The following SLC7A14 variants were observed in gnomAD, a reference collection of about 807,000 sequenced individuals.
SLC7A14 encodes the protein solute carrier family 7 member 14.
Under a neutral mutation model 60.2 loss-of-function variants are expected in SLC7A14, and 37 were observed. The observed-to-expected ratio is 0.61, with a 90% CI of 0.47 to 0.81. SLC7A14 has a LOEUF of 0.81. Among genes scored for constraint, SLC7A14 ranks in the 30% least tolerant of loss-of-function variants. The pLI, the probability that SLC7A14 is intolerant of heterozygous loss-of-function variation, is 0.00. For missense variants in SLC7A14, 886 were observed against 982.7 expected (o/e 0.90, Z 1.32); for synonymous variants, 399 against 395.8 (o/e 1.01, Z -0.10).
chr3:170,552,395 T>C (rs1030630868), intron 1 of SLC7A14, among the ~76,000 whole-genome samples: 2 of 152,202 alleles, frequency 1.3e-5, no homozygotes, highest in African/African-American at 2.4e-5. Flanking sequence ...TTTTATTCCA[T>C]TGATCTACAT....
chr3:170,478,419 A>T (rs1362548771), intron 7 of SLC7A14, among the ~76,000 whole-genome samples: 2 of 112,462 alleles, frequency 1.8e-5, no homozygotes, highest in Non-Finnish European at 4.6e-5. Flanking sequence ...TAAAATCTTG[A>T]TGAGTCAGTG....
At chr3:170,548,356 C>A (rs1217183213) in intron 1 of SLC7A14, among the ~76,000 whole-genome samples, 3 of 152,024 alleles carry the variant, frequency 2.0e-5, no homozygotes, top group Non-Finnish European at 4.4e-5. Context: ...TAAATAAACA[C>A]AAACCCACCT....
At position 170,460,951 on chromosome 3, in the gene SLC7A14, A is replaced by T. The variant is rs968604819; in HGVS notation, c.*6104T>A. On this transcript the variant is annotated 3_prime_UTR_variant, in exon 8 of 8. Coordinates refer to ENST00000231706, the MANE Select transcript of SLC7A14 (RefSeq NM_020949.3). ...ATTTTTGAGACGGAGTTTTGCTCTT[A>T]TTGCCCAGGCTGGAGTGCAATGGTG... 5.3e-5 allele frequency: 8 copies of T among 152,098 alleles called. No homozygotes were observed. Among genetic ancestry groups the T allele is most frequent in the African/African-American group, 1.9e-4 (8 of 41,398 alleles). The allele number at this position is 152,098 out of a possible 1,614,324, so 9.4% of individuals were successfully genotyped here.
intron 7 of SLC7A14, among the ~76,000 whole-genome samples, chr3:170,477,560 C>A (rs978755278): frequency 1.3e-5 from 2 of 152,312 alleles, no homozygotes; most frequent in East Asian, 3.9e-4. Context: ...AAGCACGGTA[C>A]AAGTGCTCAT....
At chr3:170,490,929 A>G (rs1314202992) in intron 4 of SLC7A14, among the ~76,000 whole-genome samples, 1 of 152,188 alleles carries the variant, frequency 6.6e-6, no homozygotes, top group Non-Finnish European at 1.5e-5. Context: ...CACCAGTATT[A>G]TTATTACAAT....
Position 170,480,458 on chromosome 3 carries a change from G to T in SLC7A14, c.1824C>A (p.Ile608=), listed in dbSNP as rs1390741870. The change falls in exon 7 of 8, where the codon ATC becomes ATA. Residue 608 remains isoleucine, a synonymous_variant. Coordinates refer to ENST00000231706, the MANE Select transcript of SLC7A14 (RefSeq NM_020949.3). ...GCAGGATCACAAACACCAGGGTGCTGATCAGCAGCACCATCAGAACAACCA... is the reference window on the plus strand; with the variant it reads ...GCAGGATCACAAACACCAGGGTGCTTATCAGCAGCACCATCAGAACAACCA... The part of the protein sequence containing the change: ...ILLVVLMVLL[I]STLVFVILQQ... 1 of 1,614,004 alleles carries T rather than the reference G, an allele frequency of 6.2e-7. No homozygotes were observed. The highest frequency in any genetic ancestry group is 8.5e-7 in the Non-Finnish European group (1 of 1,179,908).
intron 7 of SLC7A14, among the ~76,000 whole-genome samples, chr3:170,468,463 A>G (rs755379855): frequency 6.6e-6 from 1 of 151,972 alleles, no homozygotes; most frequent in African/African-American, 2.4e-5. Flanking sequence ...ACGCCCAGCT[A>G]ATTTTTGTAT....
rs1711915324 is a variant in SLC7A14 at position 170,483,492 on chromosome 3, A to T, written c.937T>A (p.Tyr313Asn). ...VSVILTLMVP[Y>N]YTIDTESPLM... ...GGGGATTCCGTGTCAATGGTATAAT[A>T]TGGCACCATCAGAGTTAAGATCACG... The change falls in exon 6 of 8, where the codon TAT becomes AAT. Residue 313 changes from tyrosine to asparagine, a missense_variant. Tyr to Asn is a moderately radical substitution (Grantham distance 143, BLOSUM62 -2). Transcript: ENST00000231706. 1 of 1,614,070 alleles carries T rather than the reference A, an allele frequency of 6.2e-7. No homozygotes were observed. The highest frequency in any genetic ancestry group is 8.5e-7 in the Non-Finnish European group (1 of 1,180,034).
At chr3:170,496,406 AG>A in intron 4 of SLC7A14, 1 of 1,406,566 alleles carries the variant, frequency 7.1e-7, no homozygotes, top group Non-Finnish European at 1.0e-6. Context: ...AGGGCCTCAA[AG>A]GCCAGAGGGC....
At chr3:170,530,692 G>A (rs1713653854) in intron 1 of SLC7A14, among the ~76,000 whole-genome samples, 1 of 152,220 alleles carries the variant, frequency 6.6e-6, no homozygotes, top group Non-Finnish European at 1.5e-5. Flanking sequence ...GGCAGCCCGG[G>A]ATGGATGTAA....
At chr3:170,571,670 A>G (rs1714959219) in intron 1 of SLC7A14, among the ~76,000 whole-genome samples, 1 of 152,198 alleles carries the variant, frequency 6.6e-6, no homozygotes, top group South Asian at 2.1e-4. Context: ...CTCCCATTAT[A>G]GCTTCAGTTT....
chr3:170,554,633 C>T (rs1714438217), intron 1 of SLC7A14, among the ~76,000 whole-genome samples: 1 of 152,224 alleles, frequency 6.6e-6, no homozygotes. Flanking sequence ...GCCTGATTGG[C>T]CTCTGCTTTC....
intron 7 of SLC7A14, among the ~76,000 whole-genome samples, chr3:170,478,558 CAT>C (rs1046172537): frequency 1.3e-5 from 2 of 152,136 alleles, no homozygotes; most frequent in African/African-American, 4.8e-5. Flanking sequence ...CTGGGGAAGA[CAT>C]ATGCCCTTTC....
chr3:170,527,956 T>C (rs1323043029), intron 1 of SLC7A14, among the ~76,000 whole-genome samples: 1 of 152,178 alleles, frequency 6.6e-6, no homozygotes, highest in African/African-American at 2.4e-5. Context: ...AAGATTATAA[T>C]GTATTTAGTT....
chr3:170,563,148 G>T (rs1714699006), intron 1 of SLC7A14, among the ~76,000 whole-genome samples: 1 of 152,054 alleles, frequency 6.6e-6, no homozygotes, highest in African/African-American at 2.4e-5. Context: ...GATGGTTTAG[G>T]TGAAGCTTCT....
rs576041437 is a variant in SLC7A14, at chr3:170,459,642, G to A, written c.*7413C>T. On this transcript the variant is annotated 3_prime_UTR_variant, in exon 8 of 8. Transcript: ENST00000231706. ...TTTCCACAATAATGCAATTCAAAGTGAACTCATTTATCTGGCTTTTCTACA... is the reference window on the plus strand; with the variant it reads ...TTTCCACAATAATGCAATTCAAAGTAAACTCATTTATCTGGCTTTTCTACA... 6.6e-6 allele frequency: 1 copy of A among 152,270 alleles called. No homozygotes were observed. Among genetic ancestry groups the A allele is most frequent in the Non-Finnish European group, 1.5e-5 (1 of 68,016 alleles). 9.4% of individuals were successfully genotyped at this position (152,270 alleles called of 1,614,324 possible).
chr3:170,506,167 A>C, intron 2 of SLC7A14, among the ~76,000 whole-genome samples: 1 of 152,328 alleles, frequency 6.6e-6, no homozygotes, highest in East Asian at 1.9e-4. Flanking sequence ...ACATGATGGA[A>C]ATTTTCCCTT....
chr3:170,479,133 A>T (rs1481153230), intron 7 of SLC7A14, among the ~76,000 whole-genome samples: 1 of 142,142 alleles, frequency 7.0e-6, no homozygotes, highest in East Asian at 2.0e-4. Context: ...ACAACAACAA[A>T]CAAAACAAAA....
intron 1 of SLC7A14, among the ~76,000 whole-genome samples, chr3:170,528,719 G>A (rs1384734122): frequency 3.3e-5 from 5 of 152,082 alleles, no homozygotes; most frequent in African/African-American, 7.2e-5. Context: ...TGGATAACAC[G>A]CCAGAGATAT....
Sources: gnomAD v4.1 joint callset for allele counts (sites outside exome capture counted in the v4.1 genomes callset) on GRCh38, gnomAD v4.1.1 for gene constraint, MANE v1.5 for transcripts, NCBI Gene and HGNC (gene_info 2026-07-23, HGNC 2026-07-21) for gene names.